The following TUT7 variants were observed in gnomAD, a reference collection of about 807,000 sequenced individuals.
TUT7 encodes terminal uridylyl transferase 7.
Under a neutral mutation model 165.9 loss-of-function variants are expected in TUT7, and 33 were observed. The ratio of observed to expected loss-of-function variants is 0.20; its 90% confidence interval spans 0.15 to 0.27. The LOEUF (loss-of-function observed/expected upper bound fraction) is 0.27, where lower values mean the gene tolerates loss of function less well. Among genes scored for constraint, TUT7 ranks in the 10% least tolerant of loss-of-function variants. TUT7 has a pLI of 1.00. For missense variants in TUT7, 1,338 were observed against 1,762.3 expected (o/e 0.76, Z 4.31); for synonymous variants, 552 against 608.1 (o/e 0.91, Z 1.36).
intron 26 of TUT7, among the ~76,000 whole-genome samples, chr9:86,296,686 C>T (rs1826356821): frequency 6.6e-6 from 1 of 152,206 alleles, no homozygotes; most frequent in East Asian, 1.9e-4. Context: ...AGAGAAACCA[C>T]ATCTCTTGCC....
At chr9:86,325,070 G>A (rs1453050655) in intron 12 of TUT7, among the ~76,000 whole-genome samples, 1 of 152,222 alleles carries the variant, frequency 6.6e-6, no homozygotes, top group Non-Finnish European at 1.5e-5. Context: ...AGGCATTTAA[G>A]TGGTTAAGCA....
intron 2 of TUT7, among the ~76,000 whole-genome samples, chr9:86,346,972 C>T (rs1240715827): frequency 6.6e-6 from 1 of 152,062 alleles, no homozygotes; most frequent in Non-Finnish European, 1.5e-5. Context: ...GCAAAATGTA[C>T]CCCTGGACAA....
intron 17 of TUT7, among the ~76,000 whole-genome samples, chr9:86,313,765 G>A (rs1427813937): frequency 6.6e-6 from 1 of 152,210 alleles, no homozygotes; most frequent in African/African-American, 2.4e-5. Context: ...TCCTGCAGAA[G>A]GGAAGCGGTA....
intron 10 of TUT7, among the ~76,000 whole-genome samples, chr9:86,330,615 A>G (rs868579693): frequency 1.3e-5 from 2 of 152,106 alleles, no homozygotes; most frequent in Non-Finnish European, 2.9e-5. Flanking sequence ...TGATTTCTTA[A>G]TGTTTTTCTT....
chr9:86,317,096 GA>G (rs1587917355), intron 17 of TUT7, 122 bp downstream of exon 17: 2 of 744,798 alleles, frequency 2.7e-6, no homozygotes, highest in East Asian at 2.6e-5. Flanking sequence ...ATCTGCTGGG[GA>G]AGGGAGGGTT....
At chr9:86,352,468 CT>C in intron 2 of TUT7, 1 of 640,938 alleles carries the variant, frequency 1.6e-6, no homozygotes, top group East Asian at 2.7e-5. Flanking sequence ...GCAAAGTAAA[CT>C]TTTAAAGGGA....
chr9:86,304,702 A>G (rs926824153), intron 24 of TUT7, among the ~76,000 whole-genome samples, 154 bp downstream of exon 24: 106 of 152,174 alleles, frequency 7.0e-4, no homozygotes, highest in African/African-American at 2.5e-3. Context: ...GATGTTTAAG[A>G]AAAAGGGGGG....
chr9:86,292,899 A>G lies in TUT7; in HGVS notation c.4421-4155T>C, dbSNP rs188984971. On this transcript the variant is annotated intron_variant, in intron 26 of 26. Coordinates refer to ENST00000375963, the MANE Select transcript of TUT7 (RefSeq NM_024617.4). ...TAAACCCTTTGGTAAGTATAGTACT[A>G]GTAGTTTTACTACTGTAGCATTTAA... 1.6e-4 allele frequency among the ~76,000 whole-genome samples: 24 copies of G among 152,364 alleles called. No homozygotes were observed. The East Asian group carries it at 4.0e-3, about 26-fold the overall frequency.
rs115912634 is a variant in TUT7, at chr9:86,297,083, A to G, written c.4420+4193T>C. On this transcript the variant is annotated intron_variant, in intron 26 of 26. Coordinates refer to ENST00000375963, the MANE Select transcript of TUT7 (RefSeq NM_024617.4). ...TTGCTCAAAAGATTTATAAATATGT[A>G]GGTTTTTTACTAAGAAGATAATTAC... is the stretch of plus-strand genomic sequence containing the variant. 3.7e-3 allele frequency among the ~76,000 whole-genome samples: 566 copies of G among 152,288 alleles called. 1 individual carries two copies. The highest frequency in any genetic ancestry group is 0.013 in the African/African-American group (549 of 41,554).
intron 26 of TUT7, among the ~76,000 whole-genome samples, chr9:86,299,164 A>AG (rs1439369266): frequency 6.6e-6 from 1 of 152,210 alleles, no homozygotes; most frequent in Non-Finnish European, 1.5e-5. Flanking sequence ...AACAGATGAC[A>AG]GACACGCCTC....
intron 10 of TUT7, among the ~76,000 whole-genome samples, chr9:86,329,435 A>C (rs1319924972): frequency 1.3e-5 from 2 of 151,762 alleles, no homozygotes; most frequent in East Asian, 3.9e-4. Context: ...AGGCAGAAGA[A>C]TTGTTTGACC....
Position 86,323,737 on chromosome 9 carries a change from G to A in TUT7, c.2013C>T (p.Leu671=). The A allele has an allele frequency of 6.2e-7, 1 of 1,613,552 alleles. No individual in the cohort carries two copies. Among genetic ancestry groups the A allele is most frequent in the Non-Finnish European group, 8.5e-7 (1 of 1,179,638 alleles). Reference sequence around the variant, plus strand: ...GACCTTGGGCCAAAACTGAGTTTTTGAGCTTATCATCTTTTGTTTGTACAT... The same window carrying A: ...GACCTTGGGCCAAAACTGAGTTTTTAAGCTTATCATCTTTTGTTTGTACAT... The part of the protein sequence containing the change: ...HPDVQTKDDK[L]KNSVLAQGPG... Residue 671 remains leucine (L), a synonymous_variant, in exon 13 of 27, where the codon CTC becomes CTT. Transcript: ENST00000375963.
intron 6 of TUT7, among the ~76,000 whole-genome samples, chr9:86,342,626 C>T (rs1831415673): frequency 6.6e-6 from 1 of 152,054 alleles, no homozygotes; most frequent in African/African-American, 2.4e-5. Flanking sequence ...CATGTTTAAA[C>T]CAGAAATCCA....
At chr9:86,317,097 A>C in intron 17 of TUT7, 122 bp downstream of exon 17, 1 of 744,118 alleles carries the variant, frequency 1.3e-6, no homozygotes, top group Non-Finnish European at 2.2e-6. Flanking sequence ...TCTGCTGGGG[A>C]AGGGAGGGTT....
intron 14 of TUT7, among the ~76,000 whole-genome samples, chr9:86,320,554 AC>A (rs1829178621): frequency 6.6e-6 from 1 of 152,198 alleles, no homozygotes; most frequent in South Asian, 2.1e-4. Context: ...CCTGGAAATA[AC>A]CCAGGAATTC....
At chr9:86,323,994 T>C (rs1294212621) in intron 12 of TUT7, 34 bp from the exon 13 acceptor site, 1 of 1,469,462 alleles carries the variant, frequency 6.8e-7, no homozygotes, top group Non-Finnish European at 9.1e-7. Context: ...GAAAAATCCA[T>C]CTCTTCATAT....
intron 26 of TUT7, chr9:86,298,732 A>C: frequency 1.0e-6 from 1 of 954,880 alleles, no homozygotes; most frequent in Non-Finnish European, 1.2e-6. Flanking sequence ...AGTAAATAAA[A>C]TAACACACAT....
chr9:86,341,070 T>G lies in TUT7; in HGVS notation c.1087-17A>C, dbSNP rs1223258211. ...CTGAGACATCTAGGAAATAAATCAA[T>G]GAATACATGAAATTATTCCTAAGTG... On this transcript the variant is annotated splice_polypyrimidine_tract_variant and intron_variant, in intron 6 of 26. Coordinates refer to ENST00000375963, the MANE Select transcript of TUT7 (RefSeq NM_024617.4). The G allele has an allele frequency of 1.9e-6, 3 of 1,602,154 alleles. No individual in the cohort carries two copies. The highest frequency in any genetic ancestry group is 2.2e-5 in the East Asian group (1 of 44,664).
chr9:86,326,964 C>T (rs1265164206), intron 11 of TUT7, among the ~76,000 whole-genome samples: 1 of 152,172 alleles, frequency 6.6e-6, no homozygotes, highest in Admixed American at 6.5e-5. Flanking sequence ...CTAAGGTGCA[C>T]AAATTTGTTT....
Sources: gnomAD v4.1 joint callset for allele counts (sites outside exome capture counted in the v4.1 genomes callset) on GRCh38, gnomAD v4.1.1 for gene constraint, MANE v1.5 for transcripts, NCBI Gene and HGNC (gene_info 2026-07-23, HGNC 2026-07-21) for gene names.